RUNX1: variants seen among roughly 807,000 people sequenced by gnomAD.
The protein encoded by RUNX1 is runt-related transcription factor 1.
In RUNX1, 19 loss-of-function variants were observed where a neutral mutation model predicts 42.8. The observed-to-expected ratio is 0.44, with a 90% CI of 0.31 to 0.65. RUNX1 has a LOEUF of 0.65. RUNX1 is among the 30% of genes least tolerant of loss of function. The pLI is 0.07. For missense variants in RUNX1, 528 were observed against 672.0 expected (o/e 0.79, Z 2.37); for synonymous variants, 271 against 289.4 (o/e 0.94, Z 0.64).
chr21:34,995,766 T>C (rs1048935886), intron 2 of RUNX1, among the ~76,000 whole-genome samples: 6 of 152,180 alleles, frequency 3.9e-5, no homozygotes, highest in Non-Finnish European at 8.8e-5. Context: ...GAGATTTAAA[T>C]CTTTAGATAC....
intron 2 of RUNX1, among the ~76,000 whole-genome samples, chr21:35,037,835 A>G (rs2059320300): frequency 6.6e-6 from 1 of 152,170 alleles, no homozygotes; most frequent in African/African-American, 2.4e-5. Flanking sequence ...TGTTATTACT[A>G]TCGGTTTTAA....
chr21:34,825,622 C>T (rs2056975776), intron 7 of RUNX1, among the ~76,000 whole-genome samples: 1 of 152,208 alleles, frequency 6.6e-6, no homozygotes, highest in Non-Finnish European at 1.5e-5. Context: ...TCTCTGGACT[C>T]ACCTGCTGTG....
Position 34,888,700 on chromosome 21 carries a change from G to A in RUNX1, c.98-1604C>T, listed in dbSNP as rs1312671890. 6 of 1,035,580 alleles carry A rather than the reference G, an allele frequency of 5.8e-6. No homozygotes were observed. In the African/African-American group the frequency reaches 8.4e-5, roughly 15 times the overall value. 64.1% of individuals were successfully genotyped at this position (1,035,580 alleles called of 1,614,324 possible). A position where few individuals can be genotyped will look rare whatever the true frequency, so the allele number is the denominator to read the frequency against. On this transcript the variant is annotated intron_variant, in intron 3 of 8. Transcript: ENST00000675419. ...GCCCGCTGGCTCTATGAATGAGAGT[G>A]CCTGGAAATGAACGTGCTTTTACTG... is the stretch of plus-strand genomic sequence containing the variant.
intron 5 of RUNX1, among the ~76,000 whole-genome samples, chr21:34,877,602 G>T (rs1469478027): frequency 6.6e-6 from 1 of 152,202 alleles, no homozygotes; most frequent in Non-Finnish European, 1.5e-5. Flanking sequence ...GGGAATGGAA[G>T]AAAAGAGAGA....
At chr21:34,849,329 ATAC>A (rs1309469728) in intron 6 of RUNX1, among the ~76,000 whole-genome samples, 1 of 32,836 alleles carries the variant, frequency 3.0e-5, no homozygotes, top group Non-Finnish European at 6.0e-5. Flanking sequence ...TATATTATAT[ATAC>A]TATATATATT....
At chr21:34,847,987 C>T (rs2057341245) in intron 6 of RUNX1, among the ~76,000 whole-genome samples, 1 of 151,818 alleles carries the variant, frequency 6.6e-6, no homozygotes, top group East Asian at 1.9e-4. Flanking sequence ...GAACAGAATT[C>T]CATTTGTTTC....
At position 34,886,907 on chromosome 21, in the gene RUNX1, T is replaced by C. The variant is rs754168875; in HGVS notation, c.287A>G (p.Asn96Ser). The C allele has an allele frequency of 6.8e-6, 11 of 1,613,432 alleles. No individual in the cohort carries two copies. The highest frequency in any genetic ancestry group is 3.3e-5 in the South Asian group (3 of 91,082). The change falls in exon 4 of 9, where the codon AAC becomes AGC. Residue 96 changes from asparagine (N) to serine (S), a missense_variant. Coordinates refer to ENST00000675419, the MANE Select transcript of RUNX1 (RefSeq NM_001754.5). The part of the protein sequence containing the change: ...PGELVRTDSP[N>S]FLCSVLPTHW... The stretch of plus-strand genomic sequence containing the variant: ...CGTAGGCAGCACGGAGCAGAGGAAG[T>C]TGGGGCTGTCGGTGCGCACCAGCTC...
At position 34,790,605 on chromosome 21, in the gene RUNX1, A is replaced by G. The variant is rs1202917418; in HGVS notation, c.*1530T>C. On this transcript the variant is annotated 3_prime_UTR_variant, in exon 9 of 9. Coordinates refer to ENST00000675419, the MANE Select transcript of RUNX1 (RefSeq NM_001754.5). The stretch of plus-strand genomic sequence containing the variant: ...TAGTGACATGAATCTTTCCTGTCAC[A>G]CTGGTGCACAGGTAAAAGCCCATAT... 4.3e-6 allele frequency: 1 copy of G among 233,196 alleles called. No individual in the cohort carries two copies. The highest frequency in any genetic ancestry group is 8.5e-6 in the Non-Finnish European group (1 of 118,056). The allele number at this position is 233,196 out of a possible 1,614,324, so 14.4% of individuals were successfully genotyped here.
At chr21:34,927,347 G>A (rs986009143) in intron 2 of RUNX1, among the ~76,000 whole-genome samples, 1 of 152,142 alleles carries the variant, frequency 6.6e-6, no homozygotes, top group African/African-American at 2.4e-5. Flanking sequence ...CTCTGGACTC[G>A]CACGTGTAGG....
chr21:35,011,356 C>G (rs2059125401), intron 2 of RUNX1, among the ~76,000 whole-genome samples: 1 of 152,136 alleles, frequency 6.6e-6, no homozygotes, highest in East Asian at 1.9e-4. Flanking sequence ...TCTCAAGCCC[C>G]AGCTCCGGGG....
intron 2 of RUNX1, among the ~76,000 whole-genome samples, chr21:34,967,162 T>C (rs1198758798): frequency 2.7e-5 from 4 of 149,328 alleles, no homozygotes; most frequent in African/African-American, 7.4e-5. Context: ...CTACTAAAAA[T>C]ACAAAAAATT....
In RUNX1 at chr21:34,877,268, C is replaced by T. The variant is rs139874246; in HGVS notation, c.508+3289G>A. Reference sequence around the variant, plus strand: ...CACTTGCCTCAACTGCAGATGTAAACTGATATAAGCTGCTCAGTGAATTCG... The same window carrying T: ...CACTTGCCTCAACTGCAGATGTAAATTGATATAAGCTGCTCAGTGAATTCG... On this transcript the variant is annotated intron_variant, in intron 5 of 8. Coordinates refer to ENST00000675419, the MANE Select transcript of RUNX1 (RefSeq NM_001754.5). Among the ~76,000 whole-genome samples the T allele has an allele frequency of 1.7e-4, 26 of 152,320 alleles. No individual in the cohort carries two copies. The East Asian group carries it at 2.1e-3, about 12-fold the overall frequency.
chr21:34,954,496 G>A (rs533381500), intron 2 of RUNX1, among the ~76,000 whole-genome samples: 1 of 152,252 alleles, frequency 6.6e-6, no homozygotes, highest in East Asian at 1.9e-4. Context: ...AGGAGCTTAT[G>A]ACATATCCCT....
At chr21:35,021,067 C>T (rs2059194629) in intron 2 of RUNX1, among the ~76,000 whole-genome samples, 1 of 152,150 alleles carries the variant, frequency 6.6e-6, no homozygotes, top group Admixed American at 6.5e-5. Context: ...TCCATCTTGG[C>T]AGTGTCCACC....
At chr21:35,005,973 G>C (rs1295274683) in intron 2 of RUNX1, among the ~76,000 whole-genome samples, 2 of 152,308 alleles carry the variant, frequency 1.3e-5, no homozygotes, top group African/African-American at 2.4e-5. Context: ...GTGTTTTTAT[G>C]GATGACGTCT....
At chr21:34,966,819 C>T (rs995312855) in intron 2 of RUNX1, among the ~76,000 whole-genome samples, 16 of 152,180 alleles carry the variant, frequency 1.1e-4, no homozygotes, top group South Asian at 4.1e-4. Flanking sequence ...CAAGAGTTTT[C>T]GATTTTCACT....
chr21:35,006,570 C>T (rs2059086389), intron 2 of RUNX1, among the ~76,000 whole-genome samples: 1 of 152,180 alleles, frequency 6.6e-6, no homozygotes, highest in Non-Finnish European at 1.5e-5. Flanking sequence ...GGCAACCTCT[C>T]TGGATCAGAA....
intron 5 of RUNX1, among the ~76,000 whole-genome samples, chr21:34,868,605 T>C (rs549714829): frequency 6.6e-6 from 1 of 152,222 alleles, no homozygotes; most frequent in Admixed American, 6.5e-5. Flanking sequence ...CCTTGTCACC[T>C]GCAGGTCTCA....
At chr21:34,795,696 G>A (rs2056517372) in intron 8 of RUNX1, among the ~76,000 whole-genome samples, 1 of 152,188 alleles carries the variant, frequency 6.6e-6, no homozygotes, top group South Asian at 2.1e-4. Flanking sequence ...TCATTCCACA[G>A]GGTTCATCCC....
Sources: gnomAD v4.1 joint callset for allele counts (sites outside exome capture counted in the v4.1 genomes callset) on GRCh38, gnomAD v4.1.1 for gene constraint, MANE v1.5 for transcripts, NCBI Gene and HGNC (gene_info 2026-07-23, HGNC 2026-07-21) for gene names.